Variants in COL27A1 observed in about 807,000 individuals in gnomAD.
The protein encoded by COL27A1 is collagen type XXVII alpha 1 chain.
In COL27A1, 106 loss-of-function variants were observed where a neutral mutation model predicts 251.3. The ratio of observed to expected loss-of-function variants is 0.42; its 90% CI spans 0.36 to 0.50. The LOEUF (loss-of-function observed/expected upper bound fraction) is 0.50, where lower values mean the gene tolerates loss of function less well. COL27A1 is among the 20% of genes least tolerant of loss of function. The pLI, the probability that COL27A1 is intolerant of heterozygous loss-of-function variation, is 0.00. For missense variants in COL27A1, 2,325 were observed against 2,522.8 expected (o/e 0.92, Z 1.68); for synonymous variants, 1,000 against 986.3 (o/e 1.01, Z -0.26).
chr9:114,277,779 C>G (rs1835602234), intron 37 of COL27A1, among the ~76,000 whole-genome samples: 1 of 152,154 alleles, frequency 6.6e-6, no homozygotes, highest in Non-Finnish European at 1.5e-5. Flanking sequence ...TTTCACCCGC[C>G]CCCTGCCCTC....
Position 114,292,262 on chromosome 9 carries a change from C to T in COL27A1, c.4584+52C>T, listed in dbSNP as rs7855288. 454,730 of 1,338,202 alleles carry T rather than the reference C, an allele frequency of 0.34. 78,365 individuals are homozygous for T. The highest frequency in any genetic ancestry group is 0.45 in the Admixed American group (22,201 of 49,574). 82.9% of individuals were successfully genotyped at this position (1,338,202 alleles called of 1,614,324 possible). Reference sequence around the variant, plus strand: ...GCCCACGCACTCACACATGCACACACTCACATACACCTACATGTACAAACA... The same window carrying T: ...GCCCACGCACTCACACATGCACACATTCACATACACCTACATGTACAAACA... On this transcript the variant is annotated intron_variant, in intron 49 of 60. Transcript: ENST00000356083.
chr9:114,238,497 G>A (rs1262832420), intron 19 of COL27A1, among the ~76,000 whole-genome samples: 1 of 152,194 alleles, frequency 6.6e-6, no homozygotes. Context: ...TCACCCATGA[G>A]GTCTCTGCAT....
chr9:114,165,613 C>G, intron 2 of COL27A1, among the ~76,000 whole-genome samples: 1 of 150,070 alleles, frequency 6.7e-6, no homozygotes, highest in Non-Finnish European at 1.5e-5. Context: ...ATACATTTAT[C>G]TGCCTATTCA....
At chr9:114,210,172 C>T (rs1004359870) in intron 11 of COL27A1, among the ~76,000 whole-genome samples, 1 of 152,210 alleles carries the variant, frequency 6.6e-6, no homozygotes, top group African/African-American at 2.4e-5. Flanking sequence ...GGGCCAAATC[C>T]AGCCAGTTGT....
chr9:114,210,003 G>A (rs1830237877), intron 11 of COL27A1, among the ~76,000 whole-genome samples: 1 of 152,212 alleles, frequency 6.6e-6, no homozygotes, highest in African/African-American at 2.4e-5. Context: ...TGGGAGTTGA[G>A]GCTGGAGAGG....
intron 7 of COL27A1, among the ~76,000 whole-genome samples, chr9:114,203,021 G>T (rs947317247): frequency 7.9e-5 from 12 of 152,134 alleles, no homozygotes; most frequent in African/African-American, 2.9e-4. Context: ...ATAGCGTTAG[G>T]TACATTCACA....
At chr9:114,274,690 G>A (rs1420682731) in intron 36 of COL27A1, among the ~76,000 whole-genome samples, 1 of 152,124 alleles carries the variant, frequency 6.6e-6, no homozygotes, top group Admixed American at 6.6e-5. Flanking sequence ...AAACAAAGAT[G>A]GAGACCAGCA....
At chr9:114,162,259 C>T (rs1848547893) in intron 1 of COL27A1, among the ~76,000 whole-genome samples, 1 of 152,096 alleles carries the variant, frequency 6.6e-6, no homozygotes, top group South Asian at 2.1e-4. Flanking sequence ...TCACCCCTGG[C>T]TCTGCTGCCC....
chr9:114,278,757 G>A (rs1338460607), intron 37 of COL27A1, among the ~76,000 whole-genome samples: 1 of 151,852 alleles, frequency 6.6e-6, no homozygotes, highest in Non-Finnish European at 1.5e-5. Context: ...GAGTCACTTG[G>A]GCCAGACGAA....
intron 12 of COL27A1, among the ~76,000 whole-genome samples, chr9:114,213,747 T>C (rs1321043203): frequency 1.3e-5 from 2 of 152,220 alleles, no homozygotes; most frequent in African/African-American, 4.8e-5. Flanking sequence ...CAAGATCGAT[T>C]ATCCCCATTT....
chr9:114,195,365 AC>A (rs1356980967), intron 6 of COL27A1, among the ~76,000 whole-genome samples: 2 of 72,964 alleles, frequency 2.7e-5, no homozygotes, highest in African/African-American at 7.9e-5. Flanking sequence ...CTACCACTTG[AC>A]CCCCATCATA....
rs1452166200 is a variant in COL27A1 at position 114,311,975 on chromosome 9, A to G, written c.*1280A>G. The stretch of plus-strand genomic sequence containing the variant: ...TAGAAACCCATTGTCATTAGCTCCA[A>G]GTGTAAATTTGGGTCAAGGAGACAG... On this transcript the variant is annotated 3_prime_UTR_variant, in exon 61 of 61. Transcript: ENST00000356083. 1 of 152,150 alleles carries G rather than the reference A, an allele frequency of 6.6e-6. No homozygotes were observed. The highest frequency in any genetic ancestry group is 2.4e-5 in the African/African-American group (1 of 41,422). The allele number at this position is 152,150 out of a possible 1,614,324, so 9.4% of individuals were successfully genotyped here.
At chr9:114,199,428 C>A (rs1350717351) in intron 7 of COL27A1, among the ~76,000 whole-genome samples, 1 of 151,968 alleles carries the variant, frequency 6.6e-6, no homozygotes, top group Non-Finnish European at 1.5e-5. Context: ...TCCCATATAC[C>A]CTGGGCCTTC....
At chr9:114,242,526 G>C (rs572243150) in intron 22 of COL27A1, among the ~76,000 whole-genome samples, 10 of 152,384 alleles carry the variant, frequency 6.6e-5, no homozygotes, top group Non-Finnish European at 1.2e-4. Flanking sequence ...CGAGAGTGAA[G>C]GCTTTAGCTC....
chr9:114,167,492 C>G (rs1848965394), intron 2 of COL27A1, among the ~76,000 whole-genome samples, 197 bp from the exon 3 acceptor site: 1 of 152,196 alleles, frequency 6.6e-6, no homozygotes, highest in Admixed American at 6.5e-5. Flanking sequence ...GATAAGGGGT[C>G]ACAATCCCTG....
chr9:114,288,848 C>T, intron 43 of COL27A1, 66 bp from the exon 44 acceptor site: 1 of 1,607,400 alleles, frequency 6.2e-7, no homozygotes, highest in Non-Finnish European at 8.5e-7. Flanking sequence ...ACTTCCCAGG[C>T]TTCTGTGCTG....
intron 16 of COL27A1, among the ~76,000 whole-genome samples, chr9:114,232,247 G>A (rs1338577077): frequency 6.6e-6 from 1 of 152,174 alleles, no homozygotes; most frequent in Non-Finnish European, 1.5e-5. Flanking sequence ...AGATCACCCT[G>A]GCATGAAATT....
chr9:114,163,441 GC>G (rs1224621003), intron 2 of COL27A1, among the ~76,000 whole-genome samples: 1 of 151,172 alleles, frequency 6.6e-6, no homozygotes, highest in East Asian at 1.9e-4. Context: ...AACTCTCATG[GC>G]CCAAGCCTGG....
chr9:114,264,807 G>A, intron 29 of COL27A1, 117 bp from the exon 30 acceptor site: 1 of 1,087,250 alleles, frequency 9.2e-7, no homozygotes. Flanking sequence ...CATGGAAAGG[G>A]GGCAGACTCT....
Sources: gnomAD v4.1 joint callset for allele counts (sites outside exome capture counted in the v4.1 genomes callset) on GRCh38, gnomAD v4.1.1 for gene constraint, MANE v1.5 for transcripts, NCBI Gene and HGNC (gene_info 2026-07-23, HGNC 2026-07-21) for gene names.